Variants in RYR3 observed in about 807,000 individuals in gnomAD.
The protein encoded by RYR3 is ryanodine receptor 3.
In RYR3, 207 loss-of-function variants were observed where a neutral mutation model predicts 584.3. The observed-to-expected ratio is 0.35, with a 90% CI of 0.32 to 0.40. RYR3 has a LOEUF of 0.40. Ranked by LOEUF, RYR3 falls within the 10% of genes least tolerant of loss-of-function variation. RYR3 has a pLI of 1.00. For missense variants in RYR3, 5,616 were observed against 6,089.2 expected (o/e 0.92, Z 2.59); for synonymous variants, 2,416 against 2,248.5 (o/e 1.07, Z -2.11).
chr15:33,523,438 A>G (rs2054158846), intron 3 of RYR3, among the ~76,000 whole-genome samples: 1 of 152,186 alleles, frequency 6.6e-6, no homozygotes, highest in Non-Finnish European at 1.5e-5. Flanking sequence ...CGGAAGGAGC[A>G]AACTCTGGAC....
chr15:33,635,671 G>C lies in RYR3; in HGVS notation c.3233G>C (p.Arg1078Pro). Reference sequence around the variant, plus strand: ...AAGATCCGATTTTTCCGGGTAGAGCGATCTTATGCAGTGAGATCTGGAAAG... The same window carrying C: ...AAGATCCGATTTTTCCGGGTAGAGCCATCTTATGCAGTGAGATCTGGAAAG... Reference protein sequence around the residue: ...IDKIRFFRVERSYAVRSGKWY... With the variant: ...IDKIRFFRVEPSYAVRSGKWY... Residue 1078 changes from arginine (R) to proline (P), a missense_variant, in exon 26 of 104, where the codon CGA becomes CCA. Around this residue, in one of 9 missense-constraint regions of RYR3, gnomAD observed 1,284 missense variants for 1,344.6 expected, o/e 0.95. Transcript: ENST00000634891. 6.2e-7 allele frequency: 1 copy of C among 1,613,984 alleles called. No individual in the cohort carries two copies. Among genetic ancestry groups the C allele is most frequent in the Non-Finnish European group, 8.5e-7 (1 of 1,179,890 alleles).
chr15:33,467,735 G>A (rs1158612377), intron 1 of RYR3, among the ~76,000 whole-genome samples: 1 of 152,194 alleles, frequency 6.6e-6, no homozygotes, highest in East Asian at 1.9e-4. Flanking sequence ...TTGGAGGGAG[G>A]CTGACATATG....
chr15:33,498,552 A>G (rs1470018551), intron 2 of RYR3, among the ~76,000 whole-genome samples: 1 of 151,886 alleles, frequency 6.6e-6, no homozygotes, highest in African/African-American at 2.4e-5. Flanking sequence ...GGGGCTGTTT[A>G]GTTGTTTGAG....
chr15:33,519,572 C>T (rs1339862302), intron 3 of RYR3, among the ~76,000 whole-genome samples: 1 of 151,850 alleles, frequency 6.6e-6, no homozygotes, highest in Non-Finnish European at 1.5e-5. Flanking sequence ...GCTCAGACCT[C>T]ACCATAGGCC....
intron 2 of RYR3, among the ~76,000 whole-genome samples, chr15:33,498,551 T>C (rs149074735): frequency 6.6e-6 from 1 of 152,070 alleles, no homozygotes; most frequent in Non-Finnish European, 1.5e-5. Flanking sequence ...GGGGGCTGTT[T>C]AGTTGTTTGA....
intron 23 of RYR3, 81 bp downstream of exon 23, chr15:33,631,374 G>A: frequency 1.1e-6 from 1 of 888,720 alleles, no homozygotes; most frequent in East Asian, 2.7e-5. Flanking sequence ...TACCAAGACA[G>A]ACAACAGCCC....
In RYR3 at chr15:33,632,937, A is replaced by G. The variant is rs1483344160; in HGVS notation, c.2868-12A>G. On this transcript the variant is annotated splice_polypyrimidine_tract_variant and intron_variant, in intron 23 of 103. Transcript: ENST00000634891. Reference sequence around the variant, plus strand: ...ATCTGTTAAAAATGTATACTTTTACATTTACTTGTAGCTATATGATGTCCA... The same window carrying G: ...ATCTGTTAAAAATGTATACTTTTACGTTTACTTGTAGCTATATGATGTCCA... 2.5e-6 allele frequency: 4 copies of G among 1,602,484 alleles called. No individual in the cohort carries two copies. Among genetic ancestry groups the G allele is most frequent in the African/African-American group, 2.7e-5 (2 of 74,334 alleles).
intron 1 of RYR3, among the ~76,000 whole-genome samples, chr15:33,445,664 A>AACACACACACAC (rs61585713): frequency 0.023 from 2,408 of 106,002 alleles, 147 homozygotes; most frequent in Non-Finnish European, 0.025. Flanking sequence ...TTCCCCCACC[A>AACACACACACAC]ACACACACAC....
chr15:33,720,689 C>A (rs2067840261), intron 43 of RYR3, among the ~76,000 whole-genome samples: 1 of 152,114 alleles, frequency 6.6e-6, no homozygotes, highest in African/African-American at 2.4e-5. Context: ...CATGGTGAAA[C>A]CCTGTCTTTA....
chr15:33,860,677 A>G lies in RYR3; in HGVS notation c.14364+18A>G. ...ATATGGAGGTAATGTTACTCTAACT[A>G]CTAATCCCAGCTCTATTTTAATATC... On this transcript the variant is annotated intron_variant, in intron 101 of 103. Coordinates refer to ENST00000634891, the MANE Select transcript of RYR3 (RefSeq NM_001036.6). 6.5e-7 allele frequency: 1 copy of G among 1,530,100 alleles called. No individual in the cohort carries two copies. The allele number at this position is 1,530,100 out of a possible 1,614,324, so 94.8% of individuals were successfully genotyped here.
chr15:33,464,483 T>TAC (rs1342279454), intron 1 of RYR3, among the ~76,000 whole-genome samples: 2 of 82,238 alleles, frequency 2.4e-5, no homozygotes, highest in African/African-American at 1.5e-4. Flanking sequence ...TATATATATA[T>TAC]ATATATACAC....
chr15:33,634,979 T>C (rs1399615505), intron 25 of RYR3, among the ~76,000 whole-genome samples: 1 of 152,214 alleles, frequency 6.6e-6, no homozygotes, highest in Non-Finnish European at 1.5e-5. Flanking sequence ...ACGAATAGGT[T>C]ATCTTCTAGG....
intron 10 of RYR3, among the ~76,000 whole-genome samples, chr15:33,560,771 G>T (rs952563308): frequency 2.5e-4 from 38 of 151,676 alleles, no homozygotes; most frequent in African/African-American, 9.0e-4. Context: ...TTGATGAATT[G>T]CCTATAAAGA....
rs573193872 is a variant in RYR3, at chr15:33,387,996, G to A, written c.51+76900G>A. ...TTTCACAACACTAAAAAACAAGAAT[G>A]AAGGGAGCCACTTAATGTCTAGCAC... On this transcript the variant is annotated intron_variant, in intron 1 of 103. Transcript: ENST00000634891. Among the ~76,000 whole-genome samples, 18 of 152,250 alleles carry A rather than the reference G, an allele frequency of 1.2e-4. No homozygotes were observed. The East Asian group carries it at 3.5e-3, about 29-fold the overall frequency.
At chr15:33,420,148 ACACTT>A (rs369539997) in intron 1 of RYR3, among the ~76,000 whole-genome samples, 2 of 152,190 alleles carry the variant, frequency 1.3e-5, no homozygotes, top group African/African-American at 4.8e-5. Context: ...TACCATAATC[ACACTT>A]TCTCCTTTGG....
At chr15:33,594,514 G>C (rs114700787) in intron 16 of RYR3, among the ~76,000 whole-genome samples, 1 of 152,152 alleles carries the variant, frequency 6.6e-6, no homozygotes, top group Admixed American at 6.5e-5. Context: ...GAAGCAAAAA[G>C]TCAAAAAGAT....
intron 86 of RYR3, among the ~76,000 whole-genome samples, chr15:33,834,285 A>AACACACACACACACACACACACACACAC (rs61059288): frequency 7.3e-6 from 1 of 136,870 alleles, no homozygotes; most frequent in South Asian, 2.4e-4. Flanking sequence ...ATCTGTCTTA[A>AACACACACACACACACACACACACACAC]ACACACACAC....
intron 1 of RYR3, among the ~76,000 whole-genome samples, chr15:33,316,549 A>G (rs929657397): frequency 4.6e-5 from 7 of 152,210 alleles, no homozygotes; most frequent in Admixed American, 1.3e-4. Context: ...GTAATAATAA[A>G]AAAAAATGAG....
At position 33,534,738 on chromosome 15, in the gene RYR3, C is replaced by T. The variant is rs1287641725; in HGVS notation, c.433+1349C>T. ...AGTGGGTAGGAGTTGAAAGGAGGCA[C>T]ATTTCACATCAATTTTGAAAACTAC... On this transcript the variant is annotated intron_variant, in intron 5 of 103. Transcript: ENST00000634891. Among the ~76,000 whole-genome samples the T allele has an allele frequency of 2.6e-5, 4 of 152,324 alleles. No homozygotes were observed. The East Asian group carries it at 5.8e-4, about 22-fold the overall frequency.
Sources: allele counts gnomAD v4.1 joint callset (sites outside exome capture counted in the v4.1 genomes callset), GRCh38; gene constraint gnomAD v4.1.1; regional missense constraint gnomAD v4.1.1; transcripts MANE v1.5; gene names NCBI Gene and HGNC (gene_info 2026-07-23, HGNC 2026-07-21).